Variants in CDH4 observed in about 807,000 individuals in gnomAD.
CDH4 encodes cadherin-4.
A neutral mutation model predicts 86.0 loss-of-function variants in CDH4; 33 were observed. The ratio of observed to expected loss-of-function variants is 0.38; its 90% confidence interval spans 0.29 to 0.51. The LOEUF (loss-of-function observed/expected upper bound fraction) is 0.51, where lower values mean the gene tolerates loss of function less well. CDH4 is among the 20% of genes least tolerant of loss of function. CDH4 has a pLI of 0.86. For synonymous variants in CDH4, 555 were observed against 549.4 expected (o/e 1.01, Z -0.14); for missense variants, 1,114 against 1,307.4 (o/e 0.85, Z 2.28).
intron 4 of CDH4, among the ~76,000 whole-genome samples, chr20:61,841,692 G>A (rs539588170): frequency 8.2e-6 from 1 of 122,202 alleles, no homozygotes; most frequent in South Asian, 2.4e-4. Context: ...GTAAGGAGGT[G>A]CATTGCGGGG....
chr20:61,840,117 G>A (rs973980455), intron 4 of CDH4, among the ~76,000 whole-genome samples: 3 of 152,190 alleles, frequency 2.0e-5, no homozygotes, highest in Admixed American at 2.0e-4. Flanking sequence ...AACAACTTAA[G>A]GGGGTGTCAC....
At chr20:61,934,487 G>A (rs1200519992) in intron 15 of CDH4, among the ~76,000 whole-genome samples, 1 of 152,220 alleles carries the variant, frequency 6.6e-6, no homozygotes, top group Non-Finnish European at 1.5e-5. Flanking sequence ...TGCACAGCAG[G>A]GGCTTCGTAA....
At chr20:61,669,048 G>A (rs908040806) in intron 2 of CDH4, among the ~76,000 whole-genome samples, 2 of 152,188 alleles carry the variant, frequency 1.3e-5, no homozygotes, top group African/African-American at 2.4e-5. Context: ...GGCAGGTCAG[G>A]TCCTTCCTTC....
chr20:61,884,459 T>C (rs558346421), intron 7 of CDH4, among the ~76,000 whole-genome samples: 15 of 150,882 alleles, frequency 9.9e-5, no homozygotes, highest in Middle Eastern at 6.8e-3. Context: ...GGTCCACGAG[T>C]TTAAAGGGGT....
rs369394583 is a variant in CDH4, at chr20:61,815,880, T to C, written c.577-28788T>C. On this transcript the variant is annotated intron_variant, in intron 4 of 15. Transcript: ENST00000614565. Reference sequence around the variant, plus strand: ...AGGACTGTGTTTATCTGTCCTTGGTTATCCTGGCTGCTCCGTGAGCCGCAA... The same window carrying C: ...AGGACTGTGTTTATCTGTCCTTGGTCATCCTGGCTGCTCCGTGAGCCGCAA... Among the ~76,000 whole-genome samples the C allele has an allele frequency of 7.9e-5, 12 of 152,346 alleles. No homozygotes were observed. The East Asian group carries it at 1.9e-3, about 24-fold the overall frequency.
Position 61,457,915 on chromosome 20 carries a change from C to T in CDH4, c.169+202978C>T, listed in dbSNP as rs200878956. Among the ~76,000 whole-genome samples the T allele has an allele frequency of 1.0e-3, 138 of 134,842 alleles. 1 individual carries two copies. The East Asian group carries it at 0.024, about 23-fold the overall frequency. 88.5% of individuals were successfully genotyped at this position (134,842 alleles called of 152,430 possible). ...GTGGTGGTGATGGTCATGGTCATGA[C>T]GGTGATGGCAGTGCTGACACTGTGG... On this transcript the variant is annotated intron_variant, in intron 2 of 15. Transcript: ENST00000614565.
chr20:61,744,130 G>A (rs533271808), intron 3 of CDH4, among the ~76,000 whole-genome samples: 3 of 152,258 alleles, frequency 2.0e-5, no homozygotes, highest in South Asian at 2.1e-4. Flanking sequence ...CCTACCTCCC[G>A]AAGTTTGTAG....
At position 61,698,494 on chromosome 20, in the gene CDH4, T is replaced by C. The variant is rs529747757; in HGVS notation, c.170-45069T>C. The stretch of plus-strand genomic sequence containing the variant: ...GGAGCTCATTCCCGGGGCTGGTGAC[T>C]GCAGGTGCCCGCAGAGGGCACGGGG... On this transcript the variant is annotated intron_variant, in intron 2 of 15. Transcript: ENST00000614565. Among the ~76,000 whole-genome samples the C allele has an allele frequency of 1.6e-4, 25 of 152,366 alleles. No homozygotes were observed. In the South Asian group the frequency reaches 4.8e-3, roughly 29 times the overall value.
chr20:61,747,380 G>A (rs1178268139), intron 3 of CDH4, among the ~76,000 whole-genome samples: 5 of 151,160 alleles, frequency 3.3e-5, no homozygotes, highest in South Asian at 2.1e-4. Context: ...CCTGGGAGGC[G>A]GAGCTCGCAG....
At chr20:61,865,648 C>G (rs1470481924) in intron 6 of CDH4, among the ~76,000 whole-genome samples, 5 of 148,316 alleles carry the variant, frequency 3.4e-5, no homozygotes, top group African/African-American at 1.0e-4. Context: ...TAGATGATAC[C>G]TGGCTTCCTG....
intron 15 of CDH4, among the ~76,000 whole-genome samples, chr20:61,934,655 G>A (rs1041074044): frequency 3.9e-5 from 6 of 152,164 alleles, no homozygotes; most frequent in Non-Finnish European, 5.9e-5. Context: ...TCCCGGGCTC[G>A]GCTCACCCAG....
At chr20:61,639,336 A>G (rs1028854759) in intron 2 of CDH4, among the ~76,000 whole-genome samples, 1 of 152,170 alleles carries the variant, frequency 6.6e-6, no homozygotes, top group Admixed American at 6.5e-5. Flanking sequence ...GGGGGCAAGC[A>G]TCAGACTGGC....
Position 61,810,949 on chromosome 20 carries a change from C to A in CDH4, c.577-33719C>A, listed in dbSNP as rs1249638100. On this transcript the variant is annotated intron_variant, in intron 4 of 15. Coordinates refer to ENST00000614565, the MANE Select transcript of CDH4 (RefSeq NM_001794.5). The surrounding 1 kb of genome is among the most constrained non-coding windows in gnomAD (Gnocchi z 4.3). ...CAGGAGCCTGCAGAGCCTGCGTTAT[C>A]CTGCACTGCAAATGATGCTGCATTT... Among the ~76,000 whole-genome samples, 1 of 152,186 alleles carries A rather than the reference C, an allele frequency of 6.6e-6. No individual in the cohort carries two copies. The highest frequency in any genetic ancestry group is 1.9e-4 in the East Asian group (1 of 5,164).
chr20:61,844,322 G>A (rs1368468535), intron 4 of CDH4, among the ~76,000 whole-genome samples: 1 of 152,002 alleles, frequency 6.6e-6, no homozygotes, highest in East Asian at 1.9e-4. Context: ...CTGTTTTCTT[G>A]CCTTTGTCTA....
chr20:61,706,343 C>T (rs2087829535), intron 2 of CDH4, among the ~76,000 whole-genome samples: 1 of 152,068 alleles, frequency 6.6e-6, no homozygotes, highest in South Asian at 2.1e-4. Flanking sequence ...GATACCCCAC[C>T]CAGGACTCCA....
intron 2 of CDH4, among the ~76,000 whole-genome samples, chr20:61,549,050 T>C (rs2086109061): frequency 6.6e-6 from 1 of 151,980 alleles, no homozygotes; most frequent in African/African-American, 2.4e-5. Context: ...GGCAGGCAGA[T>C]GTTATCTAAG....
At chr20:61,530,250 C>T (rs906854467) in intron 2 of CDH4, among the ~76,000 whole-genome samples, 2 of 152,072 alleles carry the variant, frequency 1.3e-5, no homozygotes, top group South Asian at 2.1e-4. Flanking sequence ...AGGCTGGTCT[C>T]GAACTCCTGA....
chr20:61,856,423 A>C (rs1600715205), intron 6 of CDH4, among the ~76,000 whole-genome samples: 2 of 106,314 alleles, frequency 1.9e-5, no homozygotes, highest in African/African-American at 3.8e-5. Flanking sequence ...TGCCCCCCAC[A>C]CTCTTCCCCA....
intron 5 of CDH4, among the ~76,000 whole-genome samples, chr20:61,848,470 C>T (rs956631904): frequency 6.6e-6 from 1 of 152,244 alleles, no homozygotes; most frequent in Non-Finnish European, 1.5e-5. Context: ...CTCCCAGGCT[C>T]AAGCAATCCT....
Sources: gnomAD v4.1 joint callset for allele counts (sites outside exome capture counted in the v4.1 genomes callset) on GRCh38, gnomAD v4.1.1 for gene constraint, Gnocchi (gnomAD v3.1) non-coding constraint, MANE v1.5 for transcripts, NCBI Gene and HGNC (gene_info 2026-07-23, HGNC 2026-07-21) for gene names.